NEUROD1: variants seen among roughly 807,000 people sequenced by gnomAD.
NEUROD1 encodes the protein neuronal differentiation 1, also known as neurogenic differentiation factor 1.
NEUROD1 carries 9 observed loss-of-function variants against 21.8 expected under a neutral mutation model. That is an observed-to-expected ratio of 0.41 (90% confidence interval 0.25 to 0.72). NEUROD1 has a LOEUF of 0.72. Ranked by LOEUF, NEUROD1 falls within the 30% of genes least tolerant of loss-of-function variation. NEUROD1 has a pLI of 0.31. For synonymous variants in NEUROD1, 199 were observed against 186.2 expected, an observed-to-expected ratio of 1.07 and a Z score of -0.56; for missense variants, 434 against 468.8, an observed-to-expected ratio of 0.93 and a Z score of 0.69.
chr2:181,677,621 T>A lies in NEUROD1; in HGVS notation c.*169A>T. The A allele has an allele frequency of 8.4e-7, 1 of 1,184,566 alleles. No homozygotes were observed. The highest frequency in any genetic ancestry group is 1.2e-6 in the Non-Finnish European group (1 of 839,854). 73.4% of individuals were successfully genotyped at this position (1,184,566 alleles called of 1,614,324 possible). A position where few individuals can be genotyped will look rare whatever the true frequency, so the allele number is the denominator to read the frequency against. On this transcript the variant is annotated 3_prime_UTR_variant, in exon 2 of 2. Transcript: ENST00000295108. The stretch of plus-strand genomic sequence containing the variant: ...TACATAAGGTGAACAGGAACTTTGA[T>A]CCCCTGTTTCTTCCAAAGGCAGTAA...
At chr2:181,669,264 A>T (rs186875116), downstream of NEUROD1, among the ~76,000 whole-genome samples, 12 of 152,320 alleles carry the variant, frequency 7.9e-5, no homozygotes, top group East Asian at 2.3e-3. Flanking sequence ...AATAAAACCT[A>T]CTTAGAGGCG....
downstream of NEUROD1, among the ~76,000 whole-genome samples, chr2:181,675,655 T>G (rs1049167944): frequency 6.6e-6 from 1 of 152,126 alleles, no homozygotes; most frequent in African/African-American, 2.4e-5. Context: ...AAACTGTTTT[T>G]TTTTTTTTGA....
At chr2:181,675,167 T>C (rs1015115419), downstream of NEUROD1, among the ~76,000 whole-genome samples, 3 of 152,224 alleles carry the variant, frequency 2.0e-5, no homozygotes, top group African/African-American at 7.2e-5. Flanking sequence ...TCTGATTCAC[T>C]TGGAATGAGA....
rs147643871 is a variant in NEUROD1 at position 181,678,666 on chromosome 2, G to A, written c.195C>T (p.Asp65=). 2.6e-5 allele frequency: 42 copies of A among 1,612,284 alleles called. No homozygotes were observed. The African/African-American group carries it at 4.3e-4, about 16-fold the overall frequency. Reference sequence around the variant, plus strand: ...CTTCCTCTTCTTCCTCCTCTTCCAGGTCCTCATCTTCGTCCTCCTCCTCTC... The same window carrying A: ...CTTCCTCTTCTTCCTCCTCTTCCAGATCCTCATCTTCGTCCTCCTCCTCTC... ...NGGEEEDEDE[D]LEEEEEEEEE... is the part of the protein sequence containing the mutation. Residue 65 remains aspartate, a synonymous_variant, in exon 2 of 2, where the codon GAC becomes GAT. Transcript: ENST00000295108. This position sits in a 1 kb window ranked among gnomAD's most constrained non-coding sequence, Gnocchi z 5.5.
At chr2:181,669,204 C>CA (rs1688463126), downstream of NEUROD1, among the ~76,000 whole-genome samples, 1 of 152,132 alleles carries the variant, frequency 6.6e-6, no homozygotes, top group Non-Finnish European at 1.5e-5. Flanking sequence ...TCTCTTGTAT[C>CA]AGGCAATTCT....
At position 181,678,743 on chromosome 2, in the gene NEUROD1, C is replaced by T. The variant is rs1688641930; in HGVS notation, c.118G>A (p.Glu40Lys). The T allele has an allele frequency of 6.2e-7, 1 of 1,612,878 alleles. No homozygotes were observed. The highest frequency in any genetic ancestry group is 8.5e-7 in the Non-Finnish European group (1 of 1,179,192). The change falls in exon 2 of 2, where the codon GAG becomes AAG. Residue 40 changes from glutamate (E) to lysine (K), a missense_variant. Physicochemically the swap from Glu to Lys is moderately conservative, Grantham distance 56. Transcript: ENST00000295108. This position sits in a 1 kb window ranked among gnomAD's most constrained non-coding sequence, Gnocchi z 5.5. ...QDEEHEADKK[E>K]DDLETMNAEE... ...GCGTTCATGGTTTCGAGGTCGTCCT[C>T]CTTCTTGTCTGCCTCGTGCTCCTCG...
Position 181,677,146 on chromosome 2 carries a change from T to TTTTTA in NEUROD1, c.*643_*644insTAAAA, listed in dbSNP as rs1688593784. Reference sequence around the variant, plus strand: ...TTTTTTTTTTTTTTTTTTTTTTTTTTACAATTGGAGAGGAAAGAAGTGCTA... The same window carrying TTTTTA: ...TTTTTTTTTTTTTTTTTTTTTTTTTTTTTTAACAATTGGAGAGGAAAGAAGTGCTA... On this transcript the variant is annotated 3_prime_UTR_variant, in exon 2 of 2. Transcript: ENST00000295108. 1 of 131,758 alleles carries TTTTTA rather than the reference T, an allele frequency of 7.6e-6. No homozygotes were observed. Among genetic ancestry groups the TTTTTA allele is most frequent in the Non-Finnish European group, 1.6e-5 (1 of 63,888 alleles). The allele number at this position is 131,758 out of a possible 1,614,324, so 8.2% of individuals were successfully genotyped here. A position where few individuals can be genotyped will look rare whatever the true frequency, so the allele number is the denominator to read the frequency against.
At chr2:181,679,647 C>A (rs982184411) in intron 1 of NEUROD1, among the ~76,000 whole-genome samples, 1 of 152,230 alleles carries the variant, frequency 6.6e-6, no homozygotes, top group Admixed American at 6.5e-5. Flanking sequence ...GGATCAGGTG[C>A]GGAAGGCTCC....
downstream of NEUROD1, among the ~76,000 whole-genome samples, chr2:181,669,367 G>A (rs1428947765): frequency 1.3e-5 from 2 of 152,000 alleles, no homozygotes; most frequent in African/African-American, 4.8e-5. Flanking sequence ...CTTTCTACTG[G>A]GTGAGAATCA....
chr2:181,674,747 C>T (rs1269842132), downstream of NEUROD1, among the ~76,000 whole-genome samples: 1 of 151,564 alleles, frequency 6.6e-6, no homozygotes, highest in Non-Finnish European at 1.5e-5. Context: ...TGAGTTACTC[C>T]TTGACTGACT....
chr2:181,672,254 A>T (rs1446368956), downstream of NEUROD1, among the ~76,000 whole-genome samples: 1 of 152,228 alleles, frequency 6.6e-6, no homozygotes, highest in Non-Finnish European at 1.5e-5. Flanking sequence ...ATAATAAGAA[A>T]TTAGTTTCAA....
chr2:181,679,984 T>G (rs1688667759), intron 1 of NEUROD1, among the ~76,000 whole-genome samples: 1 of 152,186 alleles, frequency 6.6e-6, no homozygotes, highest in Non-Finnish European at 1.5e-5. Context: ...ACTCAAGGTA[T>G]CCATGTCCCT....
chr2:181,677,537 T>C lies in NEUROD1; in HGVS notation c.*253A>G, dbSNP rs546609239. On this transcript the variant is annotated 3_prime_UTR_variant, in exon 2 of 2. Transcript: ENST00000295108. ...ATACAGCCACACCAAATTCGTGGTG[T>C]ATTTTTTAAACTTTACTGTATTTTT... 3.0e-4 allele frequency: 151 copies of C among 510,644 alleles called. No individual in the cohort carries two copies. The highest frequency in any genetic ancestry group is 1.0e-3 in the African/African-American group (52 of 52,104). The allele number at this position is 510,644 out of a possible 1,614,324, so 31.6% of individuals were successfully genotyped here. A position where few individuals can be genotyped will look rare whatever the true frequency, so the allele number is the denominator to read the frequency against.
Position 181,678,919 on chromosome 2 carries a change from C to G in NEUROD1, c.-11-48G>C. ...AAACAGAAAGAAAAGCAGAAAAACG[C>G]TATATTCAAAAGCCAGATACGCCTT... is the stretch of plus-strand genomic sequence containing the variant. On this transcript the variant is annotated intron_variant, in intron 1 of 1. Transcript: ENST00000295108. The surrounding 1 kb of genome is among the most constrained non-coding windows in gnomAD (Gnocchi z 5.5). 6.2e-7 allele frequency: 1 copy of G among 1,606,748 alleles called. No individual in the cohort carries two copies. Among genetic ancestry groups the G allele is most frequent in the Non-Finnish European group, 8.5e-7 (1 of 1,179,054 alleles).
At chr2:181,673,159 A>T (rs571242860), downstream of NEUROD1, 1 of 152,182 alleles carries the variant, frequency 6.6e-6, no homozygotes, top group Non-Finnish European at 1.5e-5. Context: ...TAAAATTAGC[A>T]ATTTCTCCTG....
chr2:181,678,174 C>A lies in NEUROD1; in HGVS notation c.687G>T (p.Pro229=). 1 of 1,614,082 alleles carries A rather than the reference C, an allele frequency of 6.2e-7. No homozygotes were observed. Among genetic ancestry groups the A allele is most frequent in the African/African-American group, 1.3e-5 (1 of 75,016 alleles). The change falls in exon 2 of 2, where the codon CCG becomes CCT. Residue 229 remains proline, a synonymous_variant. Transcript: ENST00000295108. The surrounding 1 kb of genome is among the most constrained non-coding windows in gnomAD (Gnocchi z 5.5). ...GGGAGCTGTCCATGGTACCGTAAGG[C>A]GGACTGGGCAGCCCAGGCGACTGGT... ...YSYQSPGLPS[P]PYGTMDSSHV... is the part of the protein sequence containing the mutation.
downstream of NEUROD1, among the ~76,000 whole-genome samples, chr2:181,675,332 C>T (rs569662060): frequency 2.6e-5 from 4 of 152,320 alleles, no homozygotes; most frequent in Non-Finnish European, 4.4e-5. Context: ...CACAGCTTGA[C>T]GCAGCCTCAT....
chr2:181,675,684 C>G (rs1295278858), downstream of NEUROD1, among the ~76,000 whole-genome samples: 2 of 150,330 alleles, frequency 1.3e-5, no homozygotes, highest in Non-Finnish European at 3.0e-5. Flanking sequence ...TAACAATAGA[C>G]AGAATCATCC....
chr2:181,678,618 G>T lies in NEUROD1; in HGVS notation c.243C>A (p.Pro81=). The T allele has an allele frequency of 6.2e-7, 1 of 1,614,052 alleles. No individual in the cohort carries two copies. The highest frequency in any genetic ancestry group is 1.3e-5 in the African/African-American group (1 of 75,020). The change falls in exon 2 of 2, where the codon CCC becomes CCA. Residue 81 remains proline, a synonymous_variant. Transcript: ENST00000295108. The surrounding 1 kb of genome is among the most constrained non-coding windows in gnomAD (Gnocchi z 5.5). ...EEEEEDDDQK[P]KRRGPKKKKM... The stretch of plus-strand genomic sequence containing the variant: ...TCTTCTTTTTGGGGCCGCGTCTCTT[G>T]GGCTTTTGATCGTCATCCTCCTCTT...
Sources: gnomAD v4.1 joint callset for allele counts (sites outside exome capture counted in the v4.1 genomes callset) on GRCh38, gnomAD v4.1.1 for gene constraint, Gnocchi (gnomAD v3.1) non-coding constraint, MANE v1.5 for transcripts, NCBI Gene and HGNC (gene_info 2026-07-23, HGNC 2026-07-21) for gene names.